Variants in MNAT1 observed in about 807,000 individuals in gnomAD.
MNAT1 encodes MNAT1 component of CDK activating kinase.
MNAT1 carries 43 observed loss-of-function variants against 42.0 expected under a neutral mutation model. That is an observed-to-expected ratio of 1.02 (90% confidence interval 0.80 to 1.32). The LOEUF is 1.32. Among genes scored for constraint, MNAT1 ranks in the 40% most tolerant of loss-of-function variants. The probability of loss-of-function intolerance (pLI) is 0.00; values close to 1 mark genes in which losing one functional copy is unlikely to be tolerated. For synonymous variants in MNAT1, 118 were observed against 120.0 expected, an observed-to-expected ratio of 0.98 and a Z score of 0.11; for missense variants, 306 against 350.4, an observed-to-expected ratio of 0.87 and a Z score of 1.01.
At chr14:60,866,515 A>C (rs1246219406) in intron 6 of MNAT1, among the ~76,000 whole-genome samples, 1 of 151,966 alleles carries the variant, frequency 6.6e-6, no homozygotes, top group Non-Finnish European at 1.5e-5. Flanking sequence ...TGCATTTTTC[A>C]GGGAGGGAAA....
At chr14:60,926,102 T>C (rs879443486) in intron 7 of MNAT1, among the ~76,000 whole-genome samples, 3 of 152,216 alleles carry the variant, frequency 2.0e-5, no homozygotes, top group Non-Finnish European at 4.4e-5. Flanking sequence ...AGTTAAAAGG[T>C]CTTCTCCAGT....
chr14:60,892,826 C>T (rs986892298), intron 7 of MNAT1, among the ~76,000 whole-genome samples: 2 of 152,086 alleles, frequency 1.3e-5, no homozygotes, highest in Admixed American at 6.6e-5. Flanking sequence ...TTTATACAAG[C>T]TTAACTTCAG....
chr14:60,823,027 G>A (rs879849496), intron 6 of MNAT1, among the ~76,000 whole-genome samples: 2 of 152,180 alleles, frequency 1.3e-5, no homozygotes, highest in South Asian at 4.1e-4. Flanking sequence ...AGAGTGTTGG[G>A]ATTACACTGT....
At chr14:60,815,835 G>C (rs2032697902) in intron 5 of MNAT1, among the ~76,000 whole-genome samples, 1 of 152,120 alleles carries the variant, frequency 6.6e-6, no homozygotes, top group Non-Finnish European at 1.5e-5. Context: ...ACTGCAGTTT[G>C]AATTTCTGGT....
intron 7 of MNAT1, among the ~76,000 whole-genome samples, chr14:60,949,226 C>T (rs753658467): frequency 6.6e-6 from 1 of 152,066 alleles, no homozygotes. Flanking sequence ...CTCTTCTTTA[C>T]TTCCTGTTGA....
intron 6 of MNAT1, among the ~76,000 whole-genome samples, chr14:60,841,404 CAACACATAAAGTTGTGTGTGTTTTT>C (rs2033548792): frequency 6.6e-6 from 1 of 151,552 alleles, no homozygotes; most frequent in South Asian, 2.1e-4. Flanking sequence ...TTAACACATA[CAACACATAAAGTTGTGTGTGTTTTT>C]AACACATACA....
intron 6 of MNAT1, among the ~76,000 whole-genome samples, chr14:60,873,959 CTG>C (rs1162774942): frequency 2.0e-5 from 3 of 152,048 alleles, no homozygotes; most frequent in Admixed American, 6.6e-5. Context: ...ACAATATAAA[CTG>C]TGATGAACAG....
intron 1 of MNAT1, among the ~76,000 whole-genome samples, chr14:60,746,923 TACACACACACACACACACACACACAC>T (rs61278549): frequency 0.23 from 5,925 of 25,430 alleles, 1,510 homozygotes; most frequent in Non-Finnish European, 0.31. Context: ...TATATATATA[TACACACACACACACACACACACACAC>T]ACACACACAC....
intron 7 of MNAT1, among the ~76,000 whole-genome samples, chr14:60,882,411 C>T (rs557792786): frequency 2.6e-5 from 4 of 152,206 alleles, no homozygotes; most frequent in South Asian, 4.1e-4. Flanking sequence ...ATGACAGGAT[C>T]GCATACCTTT....
At chr14:60,789,971 A>G (rs1038975748) in intron 1 of MNAT1, among the ~76,000 whole-genome samples, 4 of 151,814 alleles carry the variant, frequency 2.6e-5, no homozygotes, top group African/African-American at 9.7e-5. Context: ...TATTTTCACC[A>G]TAGTATATGA....
chr14:60,966,569 G>C (rs1049496788), intron 7 of MNAT1, among the ~76,000 whole-genome samples: 1 of 152,212 alleles, frequency 6.6e-6, no homozygotes, highest in Non-Finnish European at 1.5e-5. Flanking sequence ...CTGGAGTGCA[G>C]TGGCGAAATC....
At chr14:60,951,315 GTTATTA>G (rs1018187068) in intron 7 of MNAT1, among the ~76,000 whole-genome samples, 8 of 19,924 alleles carry the variant, frequency 4.0e-4, no homozygotes, top group African/African-American at 1.3e-3. Flanking sequence ...TTGTCTTATT[GTTATTA>G]TTGTTTTTGG....
At chr14:60,837,219 A>G (rs2033416911) in intron 6 of MNAT1, among the ~76,000 whole-genome samples, 3 of 152,028 alleles carry the variant, frequency 2.0e-5, no homozygotes, top group Admixed American at 2.0e-4. Context: ...CCCCCTTTCC[A>G]GGGGAGTGAA....
chr14:60,844,794 AG>A (rs1189219126), intron 6 of MNAT1, among the ~76,000 whole-genome samples: 1 of 152,054 alleles, frequency 6.6e-6, no homozygotes, highest in African/African-American at 2.4e-5. Flanking sequence ...GATTGAGGAA[AG>A]TTCCTTCCAT....
At chr14:60,889,604 A>T (rs1055232065) in intron 7 of MNAT1, among the ~76,000 whole-genome samples, 4 of 152,186 alleles carry the variant, frequency 2.6e-5, no homozygotes, top group African/African-American at 9.6e-5. Flanking sequence ...GACAAATGGG[A>T]TCTAATTAAA....
At chr14:60,880,557 G>A (rs1571389) in intron 7 of MNAT1, among the ~76,000 whole-genome samples, 143,273 of 152,148 alleles carry the variant, frequency 0.94, 67,778 homozygotes, top group Non-Finnish European at 0.99. Flanking sequence ...AGAATATACT[G>A]TGAAAAAAAA....
chr14:60,961,026 G>A (rs150379589), intron 7 of MNAT1, among the ~76,000 whole-genome samples: 1,858 of 151,846 alleles, frequency 0.012, 29 homozygotes, highest in East Asian at 0.094. Context: ...GCAATGGTGC[G>A]ATCTCAGCTC....
intron 7 of MNAT1, among the ~76,000 whole-genome samples, chr14:60,892,389 C>T (rs1001393578): frequency 6.6e-6 from 1 of 151,984 alleles, no homozygotes; most frequent in East Asian, 1.9e-4. Flanking sequence ...TCTGTTTTGC[C>T]TCATATTAGT....
chr14:60,766,857 GT>G (rs772995498), intron 1 of MNAT1, among the ~76,000 whole-genome samples: 1 of 152,160 alleles, frequency 6.6e-6, no homozygotes, highest in Admixed American at 6.5e-5. Flanking sequence ...TTGGGTAGGT[GT>G]TTGTTAGAAC....
Sources: allele counts gnomAD v4.1 joint callset (sites outside exome capture counted in the v4.1 genomes callset), GRCh38; gene constraint gnomAD v4.1.1; transcripts MANE v1.5; gene names NCBI Gene and HGNC (gene_info 2026-07-23, HGNC 2026-07-21).